The following CCNY variants were observed in gnomAD, a reference collection of about 807,000 sequenced individuals.
CCNY encodes cyclin Y.
CCNY carries 19 observed loss-of-function variants against 42.8 expected under a neutral mutation model. The ratio of observed to expected loss-of-function variants is 0.44; its 90% CI spans 0.31 to 0.65. The LOEUF (loss-of-function observed/expected upper bound fraction) is 0.65, where lower values mean the gene tolerates loss of function less well. CCNY is among the 30% of genes least tolerant of loss of function. CCNY has a pLI of 0.07. For missense variants in CCNY, 370 were observed against 437.3 expected, an observed-to-expected ratio of 0.85 and a Z score of 1.37; for synonymous variants, 165 against 162.7, an observed-to-expected ratio of 1.01 and a Z score of -0.11.
At chr10:35,263,230 T>G (rs12257782) in intron 3 of CCNY, among the ~76,000 whole-genome samples, 55,746 of 150,998 alleles carry the variant, frequency 0.37, 10,850 homozygotes, top group African/African-American at 0.5. Context: ...GGTGGCGGGC[T>G]CCTGTGGTCC....
chr10:35,274,119 A>G (rs1589011404), intron 3 of CCNY, among the ~76,000 whole-genome samples: 2 of 152,218 alleles, frequency 1.3e-5, no homozygotes, highest in East Asian at 3.8e-4. Context: ...TCAGTTTCAC[A>G]TGGCTGGGGA....
chr10:35,310,957 A>G (rs1835676192), intron 3 of CCNY, among the ~76,000 whole-genome samples: 1 of 151,658 alleles, frequency 6.6e-6, no homozygotes, highest in East Asian at 1.9e-4. Context: ...CCTGGGCAAC[A>G]TGGTGAAACC....
At chr10:35,389,381 G>A (rs1171327679) in intron 1 of CCNY, among the ~76,000 whole-genome samples, 1 of 151,844 alleles carries the variant, frequency 6.6e-6, no homozygotes, top group African/African-American at 2.4e-5. Flanking sequence ...TGAGCTAAAG[G>A]GAACTCTTTC....
At chr10:35,313,292 C>T (rs1835711592) in intron 3 of CCNY, among the ~76,000 whole-genome samples, 1 of 152,206 alleles carries the variant, frequency 6.6e-6, no homozygotes, top group South Asian at 2.1e-4. Context: ...ACCATTTTCA[C>T]AAATTTCTTT....
At chr10:35,452,796 A>G (rs1454951189) in intron 1 of CCNY, among the ~76,000 whole-genome samples, 1 of 151,720 alleles carries the variant, frequency 6.6e-6, no homozygotes, top group African/African-American at 2.4e-5. Context: ...AAAAAATGGA[A>G]AAAAGCTATT....
intron 3 of CCNY, among the ~76,000 whole-genome samples, chr10:35,287,981 G>A (rs1202629708): frequency 6.6e-6 from 1 of 152,142 alleles, no homozygotes; most frequent in African/African-American, 2.4e-5. Context: ...ATACCTAGGA[G>A]AGGGATTCCT....
At chr10:35,279,110 GTTTTTTTTTTT>G (rs869276523) in intron 3 of CCNY, among the ~76,000 whole-genome samples, 2 of 102,814 alleles carry the variant, frequency 1.9e-5, no homozygotes, top group Non-Finnish European at 3.8e-5. Context: ...AGCTTTCAAT[GTTTTTTTTTTT>G]TTTTTTTTTT....
chr10:35,452,473 C>G (rs1439265229), intron 1 of CCNY, among the ~76,000 whole-genome samples: 1 of 152,164 alleles, frequency 6.6e-6, no homozygotes, highest in African/African-American at 2.4e-5. Flanking sequence ...TCCTGCTTAT[C>G]TTAGAATGAA....
intron 1 of CCNY, among the ~76,000 whole-genome samples, chr10:35,380,029 T>C (rs1301811871): frequency 6.6e-6 from 1 of 152,366 alleles, no homozygotes; most frequent in Admixed American, 6.5e-5. Flanking sequence ...GAGGACTACT[T>C]TGTGTTTCGA....
At chr10:35,457,745 T>C (rs1487361425) in intron 1 of CCNY, among the ~76,000 whole-genome samples, 1 of 152,118 alleles carries the variant, frequency 6.6e-6, no homozygotes, top group Non-Finnish European at 1.5e-5. Flanking sequence ...CACACCCGGC[T>C]AATTTTTTTT....
intron 7 of CCNY, among the ~76,000 whole-genome samples, chr10:35,551,753 ATTAC>A (rs1294314306): frequency 6.6e-6 from 1 of 152,220 alleles, no homozygotes; most frequent in Non-Finnish European, 1.5e-5. Context: ...GAAATCCTGT[ATTAC>A]TTGGTTTTAT....
At chr10:35,352,960 CTG>C (rs1158184714) in intron 1 of CCNY, among the ~76,000 whole-genome samples, 1 of 152,166 alleles carries the variant, frequency 6.6e-6, no homozygotes, top group Non-Finnish European at 1.5e-5. Context: ...GGGTCTCACT[CTG>C]TAACCTGGAC....
intron 3 of CCNY, among the ~76,000 whole-genome samples, chr10:35,275,571 G>A (rs996504084): frequency 1.1e-4 from 16 of 151,828 alleles, no homozygotes; most frequent in Non-Finnish European, 2.4e-4. Flanking sequence ...AGACCATCCC[G>A]GCTAACACGG....
chr10:35,513,941 C>T (rs1840372953), intron 3 of CCNY, among the ~76,000 whole-genome samples: 3 of 152,058 alleles, frequency 2.0e-5, no homozygotes, highest in African/African-American at 7.2e-5. Flanking sequence ...TGAAAACTAT[C>T]GAATTAGAAT....
At chr10:35,335,210 G>C (rs1322134260), upstream of CCNY, among the ~76,000 whole-genome samples, 2 of 152,016 alleles carry the variant, frequency 1.3e-5, no homozygotes, top group Non-Finnish European at 2.9e-5. Flanking sequence ...CGTCGGGAGG[G>C]AATGCGAACC....
intron 3 of CCNY, among the ~76,000 whole-genome samples, chr10:35,506,680 T>G (rs1434770773): frequency 6.6e-6 from 1 of 152,234 alleles, no homozygotes; most frequent in Non-Finnish European, 1.5e-5. Context: ...GCTTCCCTAG[T>G]GCCTTTGTGG....
chr10:35,375,651 G>A (rs996907638), intron 1 of CCNY, among the ~76,000 whole-genome samples: 3 of 152,308 alleles, frequency 2.0e-5, no homozygotes, highest in South Asian at 4.1e-4. Flanking sequence ...TCAGTATAGG[G>A]AAGTCTTAGT....
chr10:35,490,684 C>T (rs1839878296), intron 2 of CCNY, among the ~76,000 whole-genome samples: 1 of 152,236 alleles, frequency 6.6e-6, no homozygotes, highest in African/African-American at 2.4e-5. Flanking sequence ...GTCCATAGGA[C>T]AAAGAAGCCT....
At chr10:35,515,657 A>G (rs1023505133) in intron 3 of CCNY, among the ~76,000 whole-genome samples, 100 of 152,160 alleles carry the variant, frequency 6.6e-4, no homozygotes, top group African/African-American at 2.4e-3. Context: ...GCACGTGGAA[A>G]CTTGTTTGCA....
Sources: gnomAD v4.1 joint callset for allele counts (sites outside exome capture counted in the v4.1 genomes callset) on GRCh38, gnomAD v4.1.1 for gene constraint, MANE v1.5 for transcripts, NCBI Gene and HGNC (gene_info 2026-07-23, HGNC 2026-07-21) for gene names.